Variants in TDRD3 observed in about 807,000 individuals in gnomAD.
The protein encoded by TDRD3 is tudor domain-containing protein 3.
TDRD3 carries 45 observed loss-of-function variants against 86.7 expected under a neutral mutation model. The observed-to-expected ratio is 0.52, with a 90% confidence interval of 0.41 to 0.67. TDRD3 has a LOEUF of 0.67. Among genes scored for constraint, TDRD3 ranks in the 30% least tolerant of loss-of-function variants. The pLI is 0.00. For synonymous variants in TDRD3, 298 were observed against 301.7 expected (o/e 0.99, Z 0.13); for missense variants, 814 against 889.0 (o/e 0.92, Z 1.07).
At chr13:60,456,967 A>G (rs1480893013) in intron 3 of TDRD3, among the ~76,000 whole-genome samples, 2 of 152,186 alleles carry the variant, frequency 1.3e-5, no homozygotes, top group African/African-American at 4.8e-5. Flanking sequence ...AAGTGCTGAG[A>G]TTACAGGTGT....
At chr13:60,489,558 A>G (rs1293213424) in intron 7 of TDRD3, among the ~76,000 whole-genome samples, 1 of 151,820 alleles carries the variant, frequency 6.6e-6, no homozygotes, top group South Asian at 2.1e-4. Flanking sequence ...CCTGTTTTTT[A>G]TTTTTTTCAT....
chr13:60,448,917 C>A (rs563727734), intron 3 of TDRD3, among the ~76,000 whole-genome samples: 1 of 152,208 alleles, frequency 6.6e-6, no homozygotes, highest in African/African-American at 2.4e-5. Flanking sequence ...TACTCGAGGA[C>A]CTTATGTACT....
intron 1 of TDRD3, among the ~76,000 whole-genome samples, chr13:60,429,966 C>T (rs930780872): frequency 2.6e-5 from 4 of 152,114 alleles, no homozygotes. Context: ...TACTGTATTC[C>T]AAGCATATGC....
chr13:60,490,464 A>G (rs774894092), intron 7 of TDRD3, among the ~76,000 whole-genome samples: 5 of 152,152 alleles, frequency 3.3e-5, no homozygotes, highest in African/African-American at 4.8e-5. Context: ...AGATAAAGTC[A>G]AGAGAGATAA....
rs528756164 is a variant in TDRD3 at position 60,450,365 on chromosome 13, A to G, written c.192+5617A>G. ...CTGTTTTTAGTATGTAACAAATATT[A>G]TCATACTTTTAGAATATGCACTACA... On this transcript the variant is annotated intron_variant, in intron 3 of 13. Transcript: ENST00000377881. 1.1e-3 allele frequency among the ~76,000 whole-genome samples: 167 copies of G among 152,312 alleles called. 1 individual carries two copies. Among genetic ancestry groups the G allele is most frequent in the Non-Finnish European group, 2.1e-3 (145 of 68,020 alleles).
intron 1 of TDRD3, among the ~76,000 whole-genome samples, chr13:60,408,024 G>A (rs1397132989): frequency 6.6e-5 from 10 of 151,516 alleles, no homozygotes; most frequent in African/African-American, 4.9e-5. Context: ...TTCTCTTGCC[G>A]CCGCCATGTA....
intron 10 of TDRD3, among the ~76,000 whole-genome samples, chr13:60,518,177 G>A (rs1284879318): frequency 6.6e-6 from 1 of 152,164 alleles, no homozygotes; most frequent in Non-Finnish European, 1.5e-5. Flanking sequence ...GTGATGCAGT[G>A]AGGCACCCAA....
chr13:60,411,279 G>C (rs913809939), intron 1 of TDRD3, among the ~76,000 whole-genome samples: 1 of 152,234 alleles, frequency 6.6e-6, no homozygotes, highest in Non-Finnish European at 1.5e-5. Context: ...AAAGAGTGCA[G>C]TGTAGTGGTA....
intron 12 of TDRD3, chr13:60,537,486 C>T (rs1340987253): frequency 6.6e-6 from 1 of 151,810 alleles, no homozygotes; most frequent in African/African-American, 2.4e-5. Context: ...TCTCTTAGCC[C>T]CTGAGAGTAT....
intron 1 of TDRD3, among the ~76,000 whole-genome samples, chr13:60,439,258 G>A (rs1955197372): frequency 6.6e-6 from 1 of 152,158 alleles, no homozygotes; most frequent in Non-Finnish European, 1.5e-5. Flanking sequence ...ATGTGAGAAA[G>A]TCCAGAGAGA....
intron 1 of TDRD3, among the ~76,000 whole-genome samples, chr13:60,405,155 G>T (rs1321073403): frequency 6.6e-6 from 1 of 152,126 alleles, no homozygotes; most frequent in Non-Finnish European, 1.5e-5. Context: ...GACTATTAGA[G>T]ACAGGGTTTC....
chr13:60,436,440 G>A (rs1178835632), intron 1 of TDRD3, among the ~76,000 whole-genome samples: 3 of 152,010 alleles, frequency 2.0e-5, no homozygotes, highest in East Asian at 3.9e-4. Flanking sequence ...ATCTTGAGTC[G>A]ATTTTTGTAT....
At chr13:60,436,437 G>T (rs938578743) in intron 1 of TDRD3, among the ~76,000 whole-genome samples, 1 of 152,084 alleles carries the variant, frequency 6.6e-6, no homozygotes, top group African/African-American at 2.4e-5. Context: ...TCCATCTTGA[G>T]TCGATTTTTG....
intron 1 of TDRD3, among the ~76,000 whole-genome samples, chr13:60,399,130 A>G (rs1266622127): frequency 6.6e-6 from 1 of 151,992 alleles, no homozygotes; most frequent in Non-Finnish European, 1.5e-5. Context: ...TTTTCTCCTT[A>G]TCTGGATTGT....
upstream of TDRD3, chr13:60,397,175 C>G: frequency 2.4e-6 from 1 of 410,938 alleles, no homozygotes. Context: ...TACGGCCGCT[C>G]AGAAAACGCG....
At chr13:60,422,478 T>G (rs758682119) in intron 1 of TDRD3, among the ~76,000 whole-genome samples, 3 of 150,994 alleles carry the variant, frequency 2.0e-5, no homozygotes, top group Non-Finnish European at 4.4e-5. Context: ...ACTATAACTC[T>G]AAGTTCATAC....
In TDRD3 at chr13:60,553,541, A is replaced by AT. The variant is rs973247708; in HGVS notation, c.2119-13976dup. Among the ~76,000 whole-genome samples, 25 of 146,146 alleles carry AT rather than the reference A, an allele frequency of 1.7e-4. No individual in the cohort carries two copies. The East Asian group carries it at 2.2e-3, about 13-fold the overall frequency. ...GATACTACCTGAGACTGGGTAATTT[A>AT]TTTTTTTTAAATAAAAAAAAAAAAA... On this transcript the variant is annotated intron_variant, in intron 12 of 13. Coordinates refer to ENST00000377881, the MANE Select transcript of TDRD3 (RefSeq NM_001146070.2).
At chr13:60,447,817 G>A (rs1955440216) in intron 3 of TDRD3, among the ~76,000 whole-genome samples, 1 of 152,140 alleles carries the variant, frequency 6.6e-6, no homozygotes. Context: ...ATTTGGCCCA[G>A]TATTTAAGAA....
intron 12 of TDRD3, among the ~76,000 whole-genome samples, chr13:60,553,685 A>G (rs1486150831): frequency 6.6e-6 from 1 of 152,138 alleles, no homozygotes; most frequent in Non-Finnish European, 1.5e-5. Context: ...AGAGAGGGCA[A>G]AAGGGGAACT....
Sources: allele counts gnomAD v4.1 joint callset (sites outside exome capture counted in the v4.1 genomes callset), GRCh38; gene constraint gnomAD v4.1.1; transcripts MANE v1.5; gene names NCBI Gene and HGNC (gene_info 2026-07-23, HGNC 2026-07-21).